The following DENND5B variants were observed in gnomAD, a reference collection of about 807,000 sequenced individuals.
DENND5B encodes DENN domain-containing protein 5B.
DENND5B carries 34 observed loss-of-function variants against 140.6 expected under a neutral mutation model. The observed-to-expected ratio is 0.24, with a 90% CI of 0.18 to 0.32. The LOEUF is 0.32. Ranked by LOEUF, DENND5B falls within the 10% of genes least tolerant of loss-of-function variation. The pLI, the probability that DENND5B is intolerant of heterozygous loss-of-function variation, is 1.00. For missense variants in DENND5B, 1,142 were observed against 1,560.2 expected (o/e 0.73, Z 4.52); for synonymous variants, 551 against 562.1 (o/e 0.98, Z 0.28).
chr12:31,570,141 G>A (rs1368056644), intron 1 of DENND5B, among the ~76,000 whole-genome samples: 1 of 148,520 alleles, frequency 6.7e-6, no homozygotes, highest in Non-Finnish European at 1.5e-5. Flanking sequence ...GTTGCAGTGA[G>A]CCAAGATCGC....
At chr12:31,548,219 C>T (rs1948925314) in intron 1 of DENND5B, among the ~76,000 whole-genome samples, 1 of 151,654 alleles carries the variant, frequency 6.6e-6, no homozygotes, top group Non-Finnish European at 1.5e-5. Context: ...AAGTGAAACC[C>T]CACCTCTACA....
At chr12:31,425,442 A>T (rs1408410653) in intron 9 of DENND5B, among the ~76,000 whole-genome samples, 1 of 152,196 alleles carries the variant, frequency 6.6e-6, no homozygotes, top group Non-Finnish European at 1.5e-5. Context: ...ACTTAGTTTG[A>T]TTGCACTTAG....
chr12:31,402,634 T>C lies in DENND5B; in HGVS notation c.2813A>G (p.Tyr938Cys). 1 of 1,598,240 alleles carries C rather than the reference T, an allele frequency of 6.3e-7. No individual in the cohort carries two copies. The highest frequency in any genetic ancestry group is 1.2e-5 in the South Asian group (1 of 86,662). ...TTTGATTGGGATGATCACTGACCTA[T>C]ACGGAATCACTGAAAGAAAAATGCA... ...TSVFTTIMIP[Y>C]RSVIIPIKKL... is the part of the protein sequence containing the mutation. Residue 938 changes from tyrosine (Y) to cysteine (C), a missense_variant, in exon 15 of 21, where the codon TAT becomes TGT. This residue lies in a region of DENND5B where 268 missense variants were observed against 349.2 expected (regional missense o/e 0.77). Coordinates refer to ENST00000389082, the MANE Select transcript of DENND5B (RefSeq NM_144973.4).
intron 2 of DENND5B, among the ~76,000 whole-genome samples, chr12:31,487,455 C>T (rs1369334067): frequency 1.3e-5 from 2 of 152,056 alleles, no homozygotes; most frequent in African/African-American, 4.8e-5. Flanking sequence ...CCCAGTACTT[C>T]GGGAGGCTGA....
intron 12 of DENND5B, among the ~76,000 whole-genome samples, chr12:31,414,580 G>A (rs1270901776): frequency 6.6e-6 from 1 of 151,916 alleles, no homozygotes; most frequent in South Asian, 2.1e-4. Context: ...AGCCCTTTGG[G>A]AGGCCGAGGC....
intron 1 of DENND5B, among the ~76,000 whole-genome samples, chr12:31,581,961 T>C (rs528011457): frequency 1.3e-5 from 2 of 151,992 alleles, no homozygotes; most frequent in South Asian, 4.1e-4. Flanking sequence ...CTCAGTACGA[T>C]GCAAATTCCA....
intron 1 of DENND5B, among the ~76,000 whole-genome samples, chr12:31,532,891 G>A (rs990360228): frequency 3.3e-5 from 5 of 152,148 alleles, no homozygotes; most frequent in African/African-American, 4.8e-5. Context: ...AAAGGTTCCC[G>A]TGGGACCAGA....
In DENND5B at chr12:31,547,425, C is replaced by A. The variant is rs575263709; in HGVS notation, c.127+43281G>T. 1.6e-4 allele frequency among the ~76,000 whole-genome samples: 24 copies of A among 152,162 alleles called. No individual in the cohort carries two copies. In the East Asian group the frequency reaches 4.4e-3, roughly 28 times the overall value. On this transcript the variant is annotated intron_variant, in intron 1 of 20. Transcript: ENST00000389082. ...AAAGTTTTTTGTTTTGTTTTTGAGA[C>A]AGAGTCTCGGTCACCCAGGCTGGAG...
intron 14 of DENND5B, among the ~76,000 whole-genome samples, chr12:31,405,055 C>T (rs1443282867): frequency 6.6e-6 from 1 of 151,370 alleles, no homozygotes; most frequent in African/African-American, 2.4e-5. Context: ...CCACCGTGCC[C>T]GGCCCCTAGC....
chr12:31,567,350 T>C (rs1184731933), intron 1 of DENND5B, among the ~76,000 whole-genome samples: 3 of 151,550 alleles, frequency 2.0e-5, no homozygotes, highest in Non-Finnish European at 2.9e-5. Flanking sequence ...AAATTCAATT[T>C]ACTTGTGTGT....
intron 1 of DENND5B, among the ~76,000 whole-genome samples, chr12:31,588,738 T>C (rs1447178630): frequency 6.6e-6 from 1 of 152,200 alleles, no homozygotes; most frequent in African/African-American, 2.4e-5. Flanking sequence ...GTATTTTCAT[T>C]ATCTCTTTAC....
At chr12:31,585,435 T>G (rs554662025) in intron 1 of DENND5B, among the ~76,000 whole-genome samples, 53 of 152,332 alleles carry the variant, frequency 3.5e-4, no homozygotes, top group Middle Eastern at 3.4e-3. Flanking sequence ...CCACTGTTTT[T>G]AAAAAACACA....
chr12:31,500,457 AT>A (rs1946959086), intron 1 of DENND5B: 1 of 442,666 alleles, frequency 2.3e-6, no homozygotes, highest in African/African-American at 2.0e-5. Flanking sequence ...AGGCAGGTGA[AT>A]TGCTTGAGGT....
intron 1 of DENND5B, among the ~76,000 whole-genome samples, chr12:31,541,235 G>A (rs910104603): frequency 6.6e-6 from 1 of 152,042 alleles, no homozygotes; most frequent in African/African-American, 2.4e-5. Flanking sequence ...AAAACCTTCT[G>A]CACAGCAAAG....
intron 14 of DENND5B, among the ~76,000 whole-genome samples, chr12:31,408,305 A>C (rs924825000): frequency 3.3e-5 from 5 of 151,642 alleles, no homozygotes; most frequent in African/African-American, 1.2e-4. Context: ...TCTCAAAAAA[A>C]CCAAAAACAA....
chr12:31,414,574 C>G (rs1220208874), intron 12 of DENND5B, among the ~76,000 whole-genome samples: 1 of 152,044 alleles, frequency 6.6e-6, no homozygotes, highest in Non-Finnish European at 1.5e-5. Flanking sequence ...AATCCCAGCC[C>G]TTTGGGAGGC....
intron 1 of DENND5B, among the ~76,000 whole-genome samples, chr12:31,574,292 A>T (rs866388302): frequency 1.3e-4 from 17 of 135,280 alleles, no homozygotes; most frequent in African/African-American, 5.0e-4. Flanking sequence ...TAATAATAAT[A>T]ATAATTTAAA....
chr12:31,557,144 C>T (rs925908098), intron 1 of DENND5B, among the ~76,000 whole-genome samples: 1 of 152,024 alleles, frequency 6.6e-6, no homozygotes, highest in Non-Finnish European at 1.5e-5. Context: ...AATGATTTTA[C>T]TACATATGAT....
intron 3 of DENND5B, among the ~76,000 whole-genome samples, chr12:31,475,931 C>T (rs1945785477): frequency 1.3e-5 from 2 of 152,100 alleles, no homozygotes; most frequent in South Asian, 4.1e-4. Flanking sequence ...CGAGACCAGC[C>T]TAGCCAGCAT....
Sources: allele counts gnomAD v4.1 joint callset (sites outside exome capture counted in the v4.1 genomes callset), GRCh38; gene constraint gnomAD v4.1.1; regional missense constraint gnomAD v4.1.1; transcripts MANE v1.5; gene names NCBI Gene and HGNC (gene_info 2026-07-23, HGNC 2026-07-21).